JAZF1: variants seen among roughly 807,000 people sequenced by gnomAD.
JAZF1 encodes the protein JAZF zinc finger 1, also known as juxtaposed with another zinc finger protein 1.
In JAZF1, 8 loss-of-function variants were observed where a neutral mutation model predicts 26.4. That is an observed-to-expected ratio of 0.30 (90% confidence interval 0.18 to 0.55). JAZF1 has a LOEUF of 0.55. JAZF1 is among the 20% of genes least tolerant of loss of function. JAZF1 has a pLI of 0.94. For synonymous variants in JAZF1, 126 were observed against 122.3 expected (o/e 1.03, Z -0.20); for missense variants, 199 against 322.0 (o/e 0.62, Z 2.92).
chr7:28,041,939 G>A (rs921535928), intron 1 of JAZF1, among the ~76,000 whole-genome samples: 4 of 152,202 alleles, frequency 2.6e-5, no homozygotes, highest in Non-Finnish European at 5.9e-5. Flanking sequence ...TGGGCACCAA[G>A]GATCTAGATC....
At chr7:27,872,817 C>T (rs766081407) in intron 3 of JAZF1, among the ~76,000 whole-genome samples, 1 of 151,278 alleles carries the variant, frequency 6.6e-6, no homozygotes, top group African/African-American at 2.4e-5. Flanking sequence ...TACTTGGGTT[C>T]GATTTTTTTT....
chr7:27,887,710 C>A (rs1317342621), intron 3 of JAZF1, among the ~76,000 whole-genome samples: 1 of 152,194 alleles, frequency 6.6e-6, no homozygotes, highest in Non-Finnish European at 1.5e-5. Flanking sequence ...ACCACTGTGC[C>A]TGGCCAATTT....
chr7:27,952,731 T>C (rs1005862453), intron 2 of JAZF1, among the ~76,000 whole-genome samples: 1 of 152,220 alleles, frequency 6.6e-6, no homozygotes, highest in African/African-American at 2.4e-5. Flanking sequence ...TAAAATCAGA[T>C]GTTATCAAAT....
chr7:28,173,390 T>C (rs73091235), intron 1 of JAZF1, among the ~76,000 whole-genome samples: 15,040 of 152,224 alleles, frequency 0.099, 926 homozygotes, highest in South Asian at 0.2. Flanking sequence ...ATAATACAAA[T>C]GTATACATAT....
At chr7:27,954,024 A>G (rs573780128) in intron 2 of JAZF1, among the ~76,000 whole-genome samples, 47 of 152,222 alleles carry the variant, frequency 3.1e-4, no homozygotes, top group Admixed American at 9.8e-4. Context: ...GCCATGCCCC[A>G]CCCTGCGGTG....
At chr7:28,151,485 T>A (rs1783111333) in intron 1 of JAZF1, among the ~76,000 whole-genome samples, 2 of 152,094 alleles carry the variant, frequency 1.3e-5, no homozygotes, top group Admixed American at 6.6e-5. Context: ...TTATTTTCTA[T>A]ATTTTCTACA....
At chr7:27,961,365 T>A (rs145825114) in intron 2 of JAZF1, among the ~76,000 whole-genome samples, 2 of 152,338 alleles carry the variant, frequency 1.3e-5, no homozygotes, top group African/African-American at 4.8e-5. Flanking sequence ...TTATAATATA[T>A]GATGTGTATA....
chr7:28,178,831 G>T (rs1024701575), intron 1 of JAZF1, among the ~76,000 whole-genome samples: 5 of 152,170 alleles, frequency 3.3e-5, no homozygotes, highest in African/African-American at 1.2e-4. Flanking sequence ...TTACAAGGAC[G>T]CCTGAAAACT....
At chr7:27,962,581 T>C (rs999158393) in intron 2 of JAZF1, among the ~76,000 whole-genome samples, 2 of 152,208 alleles carry the variant, frequency 1.3e-5, no homozygotes, top group Non-Finnish European at 1.5e-5. Context: ...ATACAAGTTA[T>C]ATTTGGAATC....
At chr7:28,090,994 T>G (rs1784288095) in intron 1 of JAZF1, among the ~76,000 whole-genome samples, 1 of 150,852 alleles carries the variant, frequency 6.6e-6, no homozygotes, top group Non-Finnish European at 1.5e-5. Flanking sequence ...GCCCGGCTAA[T>G]TTTTTGTATT....
intron 3 of JAZF1, among the ~76,000 whole-genome samples, chr7:27,874,236 T>C (rs2128338430): frequency 6.6e-6 from 1 of 152,288 alleles, no homozygotes; most frequent in Non-Finnish European, 1.5e-5. Flanking sequence ...CCCATGTGGC[T>C]GAAGGAGCTG....
intron 3 of JAZF1, among the ~76,000 whole-genome samples, chr7:27,847,072 C>T (rs565930857): frequency 6.6e-6 from 1 of 151,920 alleles, no homozygotes; most frequent in Non-Finnish European, 1.5e-5. Context: ...TGGGTTCAAG[C>T]GATTTTCCTG....
Position 28,180,547 on chromosome 7 carries a change from A to T in JAZF1, c.31T>A (p.Ser11Thr). 3.1e-6 allele frequency: 5 copies of T among 1,608,502 alleles called. No homozygotes were observed. The highest frequency in any genetic ancestry group is 4.2e-6 in the Non-Finnish European group (5 of 1,178,110). MTGIAAASFF[S>T]NTCRFGGCGL... is the part of the protein sequence containing the mutation. Reference sequence around the variant, plus strand: ...CAGCCCCCGAATCGGCAGGTATTGGAGAAGAAGGAGGCGGCGGCGATGCCT... The same window carrying T: ...CAGCCCCCGAATCGGCAGGTATTGGTGAAGAAGGAGGCGGCGGCGATGCCT... The change falls in exon 1 of 5, where the codon TCC (serine) becomes ACC (threonine). Residue 11 changes from serine to threonine, a missense_variant. Ser to Thr is a moderately conservative substitution (Grantham distance 58). Around this residue, in one of 2 missense-constraint regions of JAZF1, gnomAD observed 137 missense variants for 184.8 expected, o/e 0.74. Transcript: ENST00000283928.
At chr7:28,120,888 T>C (rs1782591627) in intron 1 of JAZF1, among the ~76,000 whole-genome samples, 1 of 152,022 alleles carries the variant, frequency 6.6e-6, no homozygotes. Context: ...GGCCCAGATA[T>C]TACCCCCACG....
At chr7:28,008,931 G>A (rs1466597869) in intron 1 of JAZF1, among the ~76,000 whole-genome samples, 1 of 152,140 alleles carries the variant, frequency 6.6e-6, no homozygotes, top group Non-Finnish European at 1.5e-5. Flanking sequence ...ATAAAACCAA[G>A]ATACATTTAA....
chr7:28,156,319 G>A (rs931399405), intron 1 of JAZF1, among the ~76,000 whole-genome samples: 1 of 152,250 alleles, frequency 6.6e-6, no homozygotes, highest in Non-Finnish European at 1.5e-5. Context: ...TGTGGTGGTG[G>A]TGGTCACCTG....
At chr7:27,958,390 T>C (rs750231518) in intron 2 of JAZF1, among the ~76,000 whole-genome samples, 1 of 152,174 alleles carries the variant, frequency 6.6e-6, no homozygotes, top group Non-Finnish European at 1.5e-5. Context: ...AAATGCCACA[T>C]AACCAGTTCT....
intron 1 of JAZF1, among the ~76,000 whole-genome samples, chr7:28,009,120 G>A (rs1242613568): frequency 6.6e-6 from 1 of 152,118 alleles, no homozygotes; most frequent in Non-Finnish European, 1.5e-5. Flanking sequence ...GACTCTGATG[G>A]ATTTTCTAGG....
At chr7:28,068,077 C>G (rs1372900537) in intron 1 of JAZF1, among the ~76,000 whole-genome samples, 1 of 152,072 alleles carries the variant, frequency 6.6e-6, no homozygotes, top group African/African-American at 2.4e-5. Flanking sequence ...ACACGCCCAG[C>G]TAATTTTTTG....
Sources: gnomAD v4.1 joint callset for allele counts (sites outside exome capture counted in the v4.1 genomes callset) on GRCh38, gnomAD v4.1.1 for gene constraint, gnomAD v4.1.1 regional missense constraint, MANE v1.5 for transcripts, NCBI Gene and HGNC (gene_info 2026-07-23, HGNC 2026-07-21) for gene names.